The following PDE10A variants were observed in gnomAD, a reference collection of about 807,000 sequenced individuals.
PDE10A encodes cAMP and cAMP-inhibited cGMP 3',5'-cyclic phosphodiesterase 10A.
Under a neutral mutation model 97.7 loss-of-function variants are expected in PDE10A, and 39 were observed. The observed-to-expected ratio is 0.40, with a 90% CI of 0.31 to 0.52. The LOEUF is 0.52. PDE10A is among the 20% of genes least tolerant of loss of function. PDE10A has a pLI of 0.56. For missense variants in PDE10A, 731 were observed against 1,047.8 expected (o/e 0.70, Z 4.17); for synonymous variants, 371 against 376.8 (o/e 0.98, Z 0.18).
chr6:165,626,192 A>T (rs749174804), intron 1 of PDE10A, among the ~76,000 whole-genome samples: 4 of 152,244 alleles, frequency 2.6e-5, no homozygotes, highest in Non-Finnish European at 4.4e-5. Context: ...TCTCCCTCGC[A>T]TAAGAAAGTC....
chr6:165,416,569 C>T (rs1008434918), intron 11 of PDE10A, among the ~76,000 whole-genome samples: 4 of 152,090 alleles, frequency 2.6e-5, no homozygotes, highest in Non-Finnish European at 5.9e-5. Context: ...CTTCTATTTG[C>T]GAAGCACCTT....
intron 1 of PDE10A, among the ~76,000 whole-genome samples, chr6:165,854,944 G>C (rs2128475463): frequency 6.6e-6 from 1 of 152,318 alleles, no homozygotes; most frequent in Non-Finnish European, 1.5e-5. Flanking sequence ...CTGCGCCCCT[G>C]CCTGGAGAGG....
rs572743216 is a variant in PDE10A at position 165,612,174 on chromosome 6, A to T, written c.865+49773T>A. Among the ~76,000 whole-genome samples, 11 of 152,352 alleles carry T rather than the reference A, an allele frequency of 7.2e-5. No individual in the cohort carries two copies. In the South Asian group the frequency reaches 1.9e-3, roughly 26 times the overall value. Reference sequence around the variant, plus strand: ...ATGAGATATATATTGCTCAGAGAATAAGAGAAAGTCTGTTTTTGATGGAAA... The same window carrying T: ...ATGAGATATATATTGCTCAGAGAATTAGAGAAAGTCTGTTTTTGATGGAAA... On this transcript the variant is annotated intron_variant, in intron 1 of 21. Transcript: ENST00000539869.
chr6:165,590,898 GA>G lies in PDE10A; in HGVS notation c.866-47331del, dbSNP rs971970569. ...AGAGCGAGACTCTGTCTCAAAAATAGAAAAAAAAAATTAGACATTTAACTCA... is the reference window on the plus strand; with the variant it reads ...AGAGCGAGACTCTGTCTCAAAAATAGAAAAAAAAATTAGACATTTAACTCA... On this transcript the variant is annotated intron_variant, in intron 1 of 21. Coordinates refer to ENST00000539869, the MANE Select transcript of PDE10A (RefSeq NM_001385079.1). Among the ~76,000 whole-genome samples the G allele has an allele frequency of 2.7e-5, 4 of 148,850 alleles. No homozygotes were observed. In the East Asian group the frequency reaches 5.9e-4, roughly 22 times the overall value.
chr6:165,372,967 A>C (rs1562394385), intron 18 of PDE10A, among the ~76,000 whole-genome samples: 1 of 147,892 alleles, frequency 6.8e-6, no homozygotes, highest in Non-Finnish European at 1.5e-5. Context: ...TGACAAAAAC[A>C]AGAAATGGGG....
chr6:165,734,800 T>G (rs932329876), intron 1 of PDE10A, among the ~76,000 whole-genome samples: 4 of 152,182 alleles, frequency 2.6e-5, no homozygotes, highest in African/African-American at 9.7e-5. Context: ...ACAGAGATGA[T>G]GTTTTCACAG....
In PDE10A at chr6:165,388,153, G is replaced by A; in HGVS notation, c.2610+145C>T. ...TATGCAAAAAACACTATTATTTAAT[G>A]ATGACTATAAATATAAGGTTCTACA... On this transcript the variant is annotated intron_variant, in intron 17 of 21. Transcript: ENST00000539869. This position sits in a 1 kb window ranked among gnomAD's most constrained non-coding sequence, Gnocchi z 4.0. The A allele has an allele frequency of 3.1e-6, 2 of 651,530 alleles. No homozygotes were observed. Among genetic ancestry groups the A allele is most frequent in the Non-Finnish European group, 5.3e-6 (2 of 376,638 alleles). 40.4% of individuals were successfully genotyped at this position (651,530 alleles called of 1,614,324 possible).
chr6:165,393,366 T>C (rs1297763367), intron 15 of PDE10A, among the ~76,000 whole-genome samples: 1 of 151,600 alleles, frequency 6.6e-6, no homozygotes, highest in Admixed American at 6.6e-5. Flanking sequence ...TAATATGATG[T>C]ATATTTTATT....
intron 1 of PDE10A, among the ~76,000 whole-genome samples, chr6:165,556,654 C>G (rs1461430954): frequency 6.6e-6 from 1 of 152,130 alleles, no homozygotes; most frequent in Non-Finnish European, 1.5e-5. Context: ...AAGCCTAATG[C>G]TAAGTAAATA....
At chr6:165,666,687 T>A (rs1583751618), upstream of PDE10A, among the ~76,000 whole-genome samples, 1 of 152,092 alleles carries the variant, frequency 6.6e-6, no homozygotes, top group African/African-American at 2.4e-5. Flanking sequence ...AGTCTTTAGT[T>A]TGTATTTCCA....
At chr6:165,958,766 AAGAAAGC>A (rs1562327934) in intron 1 of PDE10A, among the ~76,000 whole-genome samples, 23 of 135,572 alleles carry the variant, frequency 1.7e-4, no homozygotes, top group African/African-American at 6.3e-4. Flanking sequence ...AGAAAGAAAG[AAGAAAGC>A]AAGCCAGCCA....
chr6:165,710,478 C>G (rs1356642555), intron 1 of PDE10A, among the ~76,000 whole-genome samples: 1 of 152,168 alleles, frequency 6.6e-6, no homozygotes, highest in African/African-American at 2.4e-5. Context: ...ATAGACACAC[C>G]TAAATACGCA....
intron 1 of PDE10A, among the ~76,000 whole-genome samples, chr6:165,974,163 T>C (rs1276813237): frequency 2.0e-5 from 3 of 152,228 alleles, no homozygotes; most frequent in Non-Finnish European, 4.4e-5. Context: ...TTTACATCTT[T>C]CCTCCTCTTT....
At chr6:165,649,888 T>C (rs1048426582) in intron 1 of PDE10A, among the ~76,000 whole-genome samples, 1 of 152,348 alleles carries the variant, frequency 6.6e-6, no homozygotes. Context: ...GTTTAAACGA[T>C]AGTTCACATC....
chr6:165,587,326 G>A (rs530717200), intron 1 of PDE10A, among the ~76,000 whole-genome samples: 1 of 152,236 alleles, frequency 6.6e-6, no homozygotes, highest in Admixed American at 6.5e-5. Flanking sequence ...ACGATACAAG[G>A]AGAAAGTTAC....
intron 1 of PDE10A, among the ~76,000 whole-genome samples, chr6:165,757,115 C>G (rs1178535027): frequency 1.3e-5 from 2 of 152,100 alleles, no homozygotes; most frequent in Admixed American, 1.3e-4. Flanking sequence ...TACAGGCACC[C>G]ACCACCACAT....
chr6:165,758,486 G>GACAAAGA (rs759703158), intron 1 of PDE10A, among the ~76,000 whole-genome samples: 10 of 138,350 alleles, frequency 7.2e-5, no homozygotes, highest in African/African-American at 2.4e-4. Context: ...AAGAAGAAAG[G>GACAAAGA]AGAAAGAAGA....
chr6:165,636,017 G>A (rs1276305581), intron 1 of PDE10A, among the ~76,000 whole-genome samples: 3 of 152,156 alleles, frequency 2.0e-5, no homozygotes, highest in Admixed American at 2.0e-4. Flanking sequence ...ACTGTAATAG[G>A]AGCCATTCCC....
At chr6:165,934,457 C>T (rs1783256392) in intron 1 of PDE10A, among the ~76,000 whole-genome samples, 1 of 152,000 alleles carries the variant, frequency 6.6e-6, no homozygotes. Flanking sequence ...ACCACCACCA[C>T]CAATTTTCAA....
Sources: allele counts gnomAD v4.1 joint callset (sites outside exome capture counted in the v4.1 genomes callset), GRCh38; gene constraint gnomAD v4.1.1; non-coding constraint Gnocchi (gnomAD v3.1); transcripts MANE v1.5; gene names NCBI Gene and HGNC (gene_info 2026-07-23, HGNC 2026-07-21).